The following AFF2 variants were observed in gnomAD, a reference collection of about 807,000 sequenced individuals.
AFF2 encodes the protein AF4/FMR2 family member 2.
AFF2 carries 14 observed loss-of-function variants against 76.9 expected under a neutral mutation model. The observed-to-expected ratio is 0.18, with a 90% confidence interval of 0.12 to 0.28. The LOEUF is 0.28. Among genes scored for constraint, AFF2 ranks in the 10% least tolerant of loss-of-function variants. The pLI is 1.00. For synonymous variants in AFF2, 398 were observed against 366.7 expected, an observed-to-expected ratio of 1.09 and a Z score of -0.98; for missense variants, 868 against 1,001.1, an observed-to-expected ratio of 0.87 and a Z score of 1.79.
intron 3 of AFF2, among the ~76,000 whole-genome samples, chrX:148,701,868 C>T (rs935749494): frequency 2.7e-5 from 3 of 112,244 alleles, no homozygotes; most frequent in Non-Finnish European, 5.6e-5. Flanking sequence ...CTGATTTACA[C>T]AAAACTCCAT....
chrX:148,904,619 C>A (rs2071389052), intron 9 of AFF2, among the ~76,000 whole-genome samples: 1 of 112,469 alleles, frequency 8.9e-6, no homozygotes, highest in African/African-American at 3.2e-5. Flanking sequence ...GGACCTATGA[C>A]AGAGACATAA....
At chrX:148,595,071 A>T (rs1360856573) in intron 1 of AFF2, among the ~76,000 whole-genome samples, 1 of 112,081 alleles carries the variant, frequency 8.9e-6, no homozygotes, top group Non-Finnish European at 1.9e-5. Flanking sequence ...GAAGGGAGGA[A>T]GGTAGGAGAG....
chrX:148,929,700 G>A (rs1287876815), intron 9 of AFF2, among the ~76,000 whole-genome samples: 2 of 111,938 alleles, frequency 1.8e-5, no homozygotes, highest in African/African-American at 6.5e-5. Flanking sequence ...GCTTAGCTAA[G>A]AGTCTGGAAC....
At chrX:148,988,678 T>G (rs1164755374) in intron 20 of AFF2, among the ~76,000 whole-genome samples, 2 of 112,136 alleles carry the variant, frequency 1.8e-5, no homozygotes, top group African/African-American at 6.5e-5. Context: ...TGTATCTATA[T>G]AACTCAAAGA....
At chrX:148,701,012 A>AGAATGTGTGTGTG (rs782232655) in intron 3 of AFF2, among the ~76,000 whole-genome samples, 20 of 73,739 alleles carry the variant, frequency 2.7e-4, no homozygotes, top group Non-Finnish European at 2.7e-4. Context: ...GAGAGAGAGA[A>AGAATGTGTGTGTG]TGTGTGTGTG....
At chrX:148,639,359 A>G (rs2054064866) in intron 1 of AFF2, among the ~76,000 whole-genome samples, 1 of 112,340 alleles carries the variant, frequency 8.9e-6, no homozygotes, top group Non-Finnish European at 1.9e-5. Context: ...GCCATGACAG[A>G]TAAGGCTAAT....
At chrX:148,853,856 G>T (rs1032519240) in intron 7 of AFF2, among the ~76,000 whole-genome samples, 2 of 111,512 alleles carry the variant, frequency 1.8e-5, no homozygotes, top group Non-Finnish European at 3.8e-5. Context: ...GAAGAGTGAC[G>T]GCATTTTTCC....
intron 3 of AFF2, among the ~76,000 whole-genome samples, chrX:148,777,916 C>A (rs2069688596): frequency 8.9e-6 from 1 of 112,175 alleles, no homozygotes; most frequent in Non-Finnish European, 1.9e-5. Flanking sequence ...GAGAGGGCAT[C>A]CTTGTCTTGT....
chrX:148,521,150 G>A (rs1245821193), intron 1 of AFF2, among the ~76,000 whole-genome samples: 1 of 111,588 alleles, frequency 9.0e-6, no homozygotes, highest in Non-Finnish European at 1.9e-5. Flanking sequence ...TTTCAGGGTT[G>A]CAGTCATATC....
chrX:148,538,230 G>A (rs2052808460), intron 1 of AFF2, among the ~76,000 whole-genome samples: 1 of 112,797 alleles, frequency 8.9e-6, no homozygotes, highest in African/African-American at 3.2e-5. Context: ...CTGTGTGTAA[G>A]GCATTGTGCC....
chrX:148,581,477 C>T (rs1249113769), intron 1 of AFF2, among the ~76,000 whole-genome samples: 3 of 84,481 alleles, frequency 3.6e-5, no homozygotes, highest in Non-Finnish European at 6.6e-5. Context: ...CACATATATA[C>T]GTATACGTCT....
chrX:148,870,609 G>A (rs1242646177), intron 7 of AFF2, among the ~76,000 whole-genome samples: 8 of 112,092 alleles, frequency 7.1e-5, no homozygotes, highest in Non-Finnish European at 9.4e-5. Context: ...TTTCTTTCAA[G>A]GGAAGGTGGC....
At chrX:148,741,185 G>A (rs1171903467) in intron 3 of AFF2, among the ~76,000 whole-genome samples, 1 of 111,414 alleles carries the variant, frequency 9.0e-6, no homozygotes, top group East Asian at 2.8e-4. Context: ...CTGGTAGTGG[G>A]CTGGGCCCTA....
intron 3 of AFF2, among the ~76,000 whole-genome samples, chrX:148,809,574 C>T (rs1317572851): frequency 9.0e-6 from 1 of 111,687 alleles, no homozygotes; most frequent in Non-Finnish European, 1.9e-5. Context: ...TTAAAGATCA[C>T]GAGATCAAGC....
chrX:148,748,173 C>T (rs113640926), intron 3 of AFF2, among the ~76,000 whole-genome samples: 3,006 of 111,908 alleles, frequency 0.027, 107 homozygotes, highest in African/African-American at 0.093. Context: ...ATACAGTTAG[C>T]GGCACTACCA....
intron 3 of AFF2, among the ~76,000 whole-genome samples, chrX:148,732,448 G>A (rs241102): frequency 4.3e-5 from 3 of 69,607 alleles, no homozygotes; most frequent in African/African-American, 5.6e-5. Context: ...GGGGGGAGGG[G>A]TAGCATTGGG....
intron 1 of AFF2, among the ~76,000 whole-genome samples, chrX:148,647,815 C>G (rs781947136): frequency 2.7e-4 from 30 of 111,112 alleles, no homozygotes; most frequent in African/African-American, 9.8e-4. Context: ...AATGAGGGCA[C>G]TGCAACTAGA....
chrX:148,729,250 A>G (rs1569554437), intron 3 of AFF2, among the ~76,000 whole-genome samples: 1 of 112,138 alleles, frequency 8.9e-6, no homozygotes, highest in South Asian at 3.7e-4. Flanking sequence ...GTACATTCTG[A>G]CTTAAGGGAC....
chrX:148,715,703 A>G (rs2124534566), intron 3 of AFF2, among the ~76,000 whole-genome samples: 1 of 112,363 alleles, frequency 8.9e-6, no homozygotes, highest in African/African-American at 3.2e-5. Context: ...ATAGGTATGA[A>G]TTTGTTTAAT....
Sources: allele counts gnomAD v4.1 joint callset (sites outside exome capture counted in the v4.1 genomes callset), GRCh38; gene constraint gnomAD v4.1.1; transcripts MANE v1.5; gene names NCBI Gene and HGNC (gene_info 2026-07-23, HGNC 2026-07-21).